Variants in USH2A observed in about 807,000 individuals in gnomAD.
The protein encoded by USH2A is Usher syndrome 2A (autosomal recessive, mild).
Under a neutral mutation model 538.9 loss-of-function variants are expected in USH2A, and 443 were observed. That is an observed-to-expected ratio of 0.82 (90% confidence interval 0.76 to 0.89). The LOEUF is 0.89. Ranked by LOEUF, USH2A falls within the 40% of genes least tolerant of loss-of-function variation. USH2A has a pLI of 0.00. For synonymous variants in USH2A, 2,413 were observed against 2,273.5 expected, an observed-to-expected ratio of 1.06 and a Z score of -1.75; for missense variants, 6,633 against 6,324.8, an observed-to-expected ratio of 1.05 and a Z score of -1.65.
At chr1:216,152,483 G>T (rs2033858614) in intron 21 of USH2A, among the ~76,000 whole-genome samples, 1 of 145,500 alleles carries the variant, frequency 6.9e-6, no homozygotes, top group African/African-American at 2.6e-5. Flanking sequence ...TGAGCACCTT[G>T]CGACCCCCAC....
chr1:216,105,585 A>C (rs1006189934), intron 21 of USH2A, among the ~76,000 whole-genome samples: 1 of 152,024 alleles, frequency 6.6e-6, no homozygotes, highest in Non-Finnish European at 1.5e-5. Flanking sequence ...TACTTTATTC[A>C]ATAGTATTTT....
intron 38 of USH2A, among the ~76,000 whole-genome samples, chr1:215,920,371 TAGAGACAGCTGTTGGA>T (rs1267953280): frequency 1.2e-4 from 19 of 152,094 alleles, no homozygotes; most frequent in Non-Finnish European, 1.5e-5. Flanking sequence ...CACTTAGTTT[TAGAGACAGCTGTTGGA>T]ATCATCAAAG....
At position 215,759,810 on chromosome 1, in the gene USH2A, T is replaced by C. The variant is rs753138126; in HGVS notation, c.11081A>G (p.Asn3694Ser). The change falls in exon 57 of 72, where the codon AAT (asparagine) becomes AGT (serine). Residue 3694 changes from asparagine (N) to serine (S), a missense_variant. Asn to Ser is a conservative substitution (Grantham distance 46, BLOSUM62 1). Coordinates refer to ENST00000307340, the MANE Select transcript of USH2A (RefSeq NM_206933.4). ...VWVTPRHIII[N>S]STTVELYWSL... ...CCAATATAATTCCACTGTTGTAGAA[T>C]TGATGATAATGTGTCGAGGTGTCAC... 9.9e-6 allele frequency: 16 copies of C among 1,614,012 alleles called. No homozygotes were observed. The highest frequency in any genetic ancestry group is 1.4e-5 in the Non-Finnish European group (16 of 1,179,914).
intron 21 of USH2A, among the ~76,000 whole-genome samples, chr1:216,160,287 A>G (rs1294720091): frequency 1.3e-5 from 2 of 152,262 alleles, no homozygotes; most frequent in East Asian, 3.9e-4. Flanking sequence ...AAAGCTATAA[A>G]GCAATATCAG....
In USH2A at chr1:215,790,259, A is replaced by T. The variant is rs1558099268; in HGVS notation, c.9982T>A (p.Tyr3328Asn). ...CATATGGTATCTGACATATTCACATAATCCTGCCCACAACAGAACATACCT... is the reference window on the plus strand; with the variant it reads ...CATATGGTATCTGACATATTCACATTATCCTGCCCACAACAGAACATACCT... ...LPGMFCCGQD[Y>N]VNMSDTICCS... The change falls in exon 51 of 72, where the codon TAT becomes AAT. Residue 3328 changes from tyrosine (Y) to asparagine (N), a missense_variant. Physicochemically the swap from Tyr to Asn is moderately radical, Grantham distance 143. Coordinates refer to ENST00000307340, the MANE Select transcript of USH2A (RefSeq NM_206933.4). 1 of 1,613,932 alleles carries T rather than the reference A, an allele frequency of 6.2e-7. No individual in the cohort carries two copies.
chr1:216,086,541 AGTC>A (rs2032138192), intron 24 of USH2A, among the ~76,000 whole-genome samples, 175 bp downstream of exon 24: 1 of 152,168 alleles, frequency 6.6e-6, no homozygotes, highest in African/African-American at 2.4e-5. Context: ...TATAAATACA[AGTC>A]ATATGGAATA....
intron 44 of USH2A, among the ~76,000 whole-genome samples, chr1:215,861,933 G>A (rs375287396): frequency 3.2e-4 from 44 of 137,608 alleles, no homozygotes; most frequent in African/African-American, 1.0e-3. Context: ...TCCGCCTCCC[G>A]GGTACAAGCG....
At chr1:216,100,271 C>T (rs547038681) in intron 21 of USH2A, among the ~76,000 whole-genome samples, 1 of 151,896 alleles carries the variant, frequency 6.6e-6, no homozygotes, top group South Asian at 2.1e-4. Flanking sequence ...GTACAGAACA[C>T]GAATTAGAAA....
chr1:215,971,540 G>C (rs946484468), intron 35 of USH2A, among the ~76,000 whole-genome samples: 4 of 152,048 alleles, frequency 2.6e-5, no homozygotes, highest in African/African-American at 7.2e-5. Context: ...AGGACCACTT[G>C]AGCCCCAAAG....
At chr1:216,120,612 C>T (rs2033117310) in intron 21 of USH2A, among the ~76,000 whole-genome samples, 1 of 151,956 alleles carries the variant, frequency 6.6e-6, no homozygotes, top group African/African-American at 2.4e-5. Context: ...AACTCCTGAC[C>T]TCATGATCCA....
At chr1:215,858,313 A>G (rs1664224247) in intron 44 of USH2A, among the ~76,000 whole-genome samples, 1 of 151,796 alleles carries the variant, frequency 6.6e-6, no homozygotes, top group East Asian at 1.9e-4. Context: ...GTCCCCACCC[A>G]AATCTCATCT....
intron 41 of USH2A, among the ~76,000 whole-genome samples, chr1:215,883,659 C>T (rs1664976060): frequency 6.6e-6 from 1 of 151,962 alleles, no homozygotes; most frequent in Admixed American, 6.6e-5. Context: ...CATTCTTTAC[C>T]AATGAAATAA....
chr1:215,747,149 C>A (rs1660494432), intron 58 of USH2A, among the ~76,000 whole-genome samples: 1 of 152,102 alleles, frequency 6.6e-6, no homozygotes, highest in Non-Finnish European at 1.5e-5. Flanking sequence ...AACCAAAGGA[C>A]AATGTAATGT....
intron 36 of USH2A, 145 bp from the exon 37 acceptor site, chr1:215,965,624 G>T: frequency 2.1e-6 from 2 of 950,744 alleles, no homozygotes; most frequent in Non-Finnish European, 3.1e-6. Flanking sequence ...CATTTTGTCA[G>T]CAGGATCAAA....
chr1:215,933,571 A>G (rs1171813872), intron 38 of USH2A, among the ~76,000 whole-genome samples: 1 of 151,968 alleles, frequency 6.6e-6, no homozygotes, highest in African/African-American at 2.4e-5. Context: ...TTTATGATAC[A>G]ACAAGTAATG....
intron 68 of USH2A, among the ~76,000 whole-genome samples, chr1:215,640,099 A>G (rs568493890): frequency 1.3e-5 from 2 of 152,334 alleles, no homozygotes; most frequent in South Asian, 4.1e-4. Context: ...TCAGGGGCTG[A>G]TATCAAGGAA....
intron 32 of USH2A, among the ~76,000 whole-genome samples, chr1:216,011,223 C>G (rs1037652735): frequency 6.6e-6 from 1 of 152,176 alleles, no homozygotes; most frequent in Non-Finnish European, 1.5e-5. Flanking sequence ...CCTCCCTCCA[C>G]AATCCATTAT....
At chr1:215,897,801 AAAGAAAG>A (rs751763812) in intron 40 of USH2A, among the ~76,000 whole-genome samples, 1 of 151,600 alleles carries the variant, frequency 6.6e-6, no homozygotes, top group Non-Finnish European at 1.5e-5. Context: ...AGAAAGAAAC[AAAGAAAG>A]AAGAAAGAAA....
At chr1:216,189,611 T>C (rs929294660) in intron 20 of USH2A, among the ~76,000 whole-genome samples, 4 of 152,056 alleles carry the variant, frequency 2.6e-5, no homozygotes, top group African/African-American at 9.7e-5. Context: ...TTATACTTAA[T>C]AACAATTCTT....
Sources: allele counts gnomAD v4.1 joint callset (sites outside exome capture counted in the v4.1 genomes callset), GRCh38; gene constraint gnomAD v4.1.1; transcripts MANE v1.5; gene names NCBI Gene and HGNC (gene_info 2026-07-23, HGNC 2026-07-21).